The following MYO7A variants were observed in gnomAD, a reference collection of about 807,000 sequenced individuals.
MYO7A encodes myosin VIIA.
Under a neutral mutation model 263.8 loss-of-function variants are expected in MYO7A, and 210 were observed. The observed-to-expected ratio is 0.80, with a 90% CI of 0.71 to 0.89. The LOEUF (loss-of-function observed/expected upper bound fraction) is 0.89. MYO7A is among the 40% of genes least tolerant of loss of function. The pLI, the probability that MYO7A is intolerant of heterozygous loss-of-function variation, is 0.00. For missense variants in MYO7A, 2,820 were observed against 2,968.3 expected, an observed-to-expected ratio of 0.95 and a Z score of 1.16; for synonymous variants, 1,239 against 1,197.3, an observed-to-expected ratio of 1.03 and a Z score of -0.72.
rs142562052 is a variant in MYO7A, at chr11:77,187,741, G to A, written c.3504-1603G>A. 3.4e-4 allele frequency among the ~76,000 whole-genome samples: 52 copies of A among 152,312 alleles called. No individual in the cohort carries two copies. In the East Asian group the frequency reaches 9.1e-3, roughly 27 times the overall value. ...TTTTCTGAGAACAGTCTCTGCATAGGACAGGTCTGTCGGGAGAGCTGATGC... is the reference window on the plus strand; with the variant it reads ...TTTTCTGAGAACAGTCTCTGCATAGAACAGGTCTGTCGGGAGAGCTGATGC... On this transcript the variant is annotated intron_variant, in intron 27 of 48. Coordinates refer to ENST00000409709, the MANE Select transcript of MYO7A (RefSeq NM_000260.4).
At chr11:77,139,908 A>C (rs1325582144) in intron 2 of MYO7A, among the ~76,000 whole-genome samples, 1 of 152,142 alleles carries the variant, frequency 6.6e-6, no homozygotes, top group Non-Finnish European at 1.5e-5. Context: ...GGGCCACAGG[A>C]ATATTCCCCT....
In MYO7A at chr11:77,156,788, C is replaced by T. The variant is rs782674478; in HGVS notation, c.592+7C>T. The T allele has an allele frequency of 3.0e-5, 49 of 1,613,984 alleles. No homozygotes were observed. The highest frequency in any genetic ancestry group is 4.1e-5 in the Non-Finnish European group (48 of 1,179,868). On this transcript the variant is annotated splice_region_variant and intron_variant, in intron 6 of 48. Transcript: ENST00000409709. ...GCCACCCCCATTCTGGAAGGTAGGA[C>T]CAGAGTTCCGAGGGTGGGACCAGGC...
intron 3 of MYO7A, among the ~76,000 whole-genome samples, chr11:77,144,805 C>T (rs1031465575): frequency 5.3e-5 from 8 of 152,152 alleles, no homozygotes; most frequent in African/African-American, 1.4e-4. Context: ...CACTGGAATC[C>T]CAGTGTCTTG....
intron 45 of MYO7A, 39 bp from the exon 46 acceptor site, chr11:77,211,782 C>T (rs1261350610): frequency 6.5e-7 from 1 of 1,539,954 alleles, no homozygotes; most frequent in South Asian, 1.1e-5. Flanking sequence ...AGGCCTGTCC[C>T]CAGGACTGAG....
intron 21 of MYO7A, 131 bp from the exon 22 acceptor site, chr11:77,180,243 G>T: frequency 2.2e-6 from 1 of 448,110 alleles, no homozygotes. Context: ...AGAATTTCTT[G>T]ATTACCTCAC....
At position 77,207,460 on chromosome 11, in the gene MYO7A, C is replaced by T. The variant is rs76159522; in HGVS notation, c.5856+58C>T. On this transcript the variant is annotated intron_variant, in intron 42 of 48. Coordinates refer to ENST00000409709, the MANE Select transcript of MYO7A (RefSeq NM_000260.4). ...GATTTGCTGGGGCCATAGGAACTTA[C>T]GGACAGCAGACGGAAGAGAGAGGAA... is the stretch of plus-strand genomic sequence containing the variant. The T allele has an allele frequency of 0.024, 29,319 of 1,224,874 alleles. 2,364 individuals carry two copies. The African/African-American group carries it at 0.25, about 11-fold the overall frequency. 75.9% of individuals were successfully genotyped at this position (1,224,874 alleles called of 1,614,324 possible).
intron 44 of MYO7A, 110 bp from the exon 45 acceptor site, chr11:77,211,042 A>G (rs1170882905): frequency 3.9e-6 from 4 of 1,013,708 alleles, no homozygotes; most frequent in Non-Finnish European, 5.7e-6. Flanking sequence ...GGGTGGGCCC[A>G]TGTGCGGGGT....
intron 34 of MYO7A, among the ~76,000 whole-genome samples, chr11:77,199,083 A>G (rs2135674576): frequency 6.6e-6 from 1 of 152,340 alleles, no homozygotes; most frequent in East Asian, 1.9e-4. Flanking sequence ...CTTTCCCAGC[A>G]GTGCAGTGGC....
rs1336095094 is a variant in MYO7A, at chr11:77,211,245, G to A, written c.6145G>A (p.Asp2049Asn). ...ALIYRVKFEEDKSYFPSIPKL... is the reference protein window; with the variant it reads ...ALIYRVKFEENKSYFPSIPKL... ...GATCTACAGGGTCAAGTTCGAGGAGGACAAGTCCTACTTCCCCAGCATCCC... is the reference window on the plus strand; with the variant it reads ...GATCTACAGGGTCAAGTTCGAGGAGAACAAGTCCTACTTCCCCAGCATCCC... Residue 2049 changes from aspartate to asparagine, a missense_variant, in exon 45 of 49, where the codon GAC becomes AAC. Physicochemically the swap from Asp to Asn is conservative, Grantham distance 23 (BLOSUM62 1). Coordinates refer to ENST00000409709, the MANE Select transcript of MYO7A (RefSeq NM_000260.4). 7 of 1,584,650 alleles carry A rather than the reference G, an allele frequency of 4.4e-6. No individual in the cohort carries two copies. Among genetic ancestry groups the A allele is most frequent in the South Asian group, 3.5e-5 (3 of 86,260 alleles).
At chr11:77,175,519 T>A in intron 18 of MYO7A, 55 bp downstream of exon 18, 1 of 1,530,148 alleles carries the variant, frequency 6.5e-7, no homozygotes, top group Non-Finnish European at 9.0e-7. Context: ...ATTCCCATGA[T>A]GTGGGCTGGG....
chr11:77,204,743 T>C (rs1957322628), intron 39 of MYO7A, among the ~76,000 whole-genome samples: 1 of 152,106 alleles, frequency 6.6e-6, no homozygotes, highest in South Asian at 2.1e-4. Context: ...AGCTCCACCC[T>C]CTCTCCTTAC....
chr11:77,129,141 C>G (rs572713784), intron 1 of MYO7A, among the ~76,000 whole-genome samples: 2 of 152,358 alleles, frequency 1.3e-5, no homozygotes, highest in South Asian at 2.1e-4. Context: ...CCCCATGTCT[C>G]TAGTGAAAGC....
intron 12 of MYO7A, 128 bp downstream of exon 12, chr11:77,161,243 C>A: frequency 1.7e-6 from 2 of 1,166,426 alleles, no homozygotes; most frequent in Non-Finnish European, 2.4e-6. Flanking sequence ...TCCGTCATCA[C>A]GGTGGACCCT....
chr11:77,157,025 T>C (rs782521439), intron 7 of MYO7A, 21 bp downstream of exon 7: 2 of 1,609,012 alleles, frequency 1.2e-6, no homozygotes, highest in East Asian at 4.5e-5. Context: ...GCCCCAGGGA[T>C]GCAGGAATAG....
chr11:77,195,203 C>A (rs1427349328), intron 32 of MYO7A, among the ~76,000 whole-genome samples: 1 of 152,176 alleles, frequency 6.6e-6, no homozygotes, highest in African/African-American at 2.4e-5. Context: ...CCTGTGCCAC[C>A]CTCCACCTGA....
intron 22 of MYO7A, 102 bp from the exon 23 acceptor site, chr11:77,181,278 G>A (rs1955158571): frequency 2.8e-6 from 3 of 1,068,510 alleles, no homozygotes; most frequent in Non-Finnish European, 4.0e-6. Context: ...GGTGGGGACT[G>A]AGGCCCTGGC....
intron 3 of MYO7A, among the ~76,000 whole-genome samples, chr11:77,143,836 G>A (rs570165916): frequency 2.6e-5 from 4 of 152,278 alleles, no homozygotes; most frequent in African/African-American, 9.6e-5. Context: ...GCTCTGCTGG[G>A]GACGACGGGA....
At chr11:77,155,761 C>T (rs557176183) in intron 4 of MYO7A, 146 bp from the exon 5 acceptor site, 84 of 845,490 alleles carry the variant, frequency 9.9e-5, no homozygotes, top group East Asian at 1.9e-4. Context: ...TAAGGAGGCC[C>T]GATTCTGGCT....
At position 77,190,155 on chromosome 11, in the gene MYO7A, T is replaced by TGCACGTGCTCGTGTGCATGTGTGC. The variant is rs1565433472; in HGVS notation, c.3750+24_3750+47dup. Reference sequence around the variant, plus strand: ...GGAGCTGCAGGTTCGTGCGTGTGTATGCACGTGCTCGTGTGCATGTGTGCG... The same window carrying TGCACGTGCTCGTGTGCATGTGTGC: ...GGAGCTGCAGGTTCGTGCGTGTGTATGCACGTGCTCGTGTGCATGTGTGCGCACGTGCTCGTGTGCATGTGTGCG... On this transcript the variant is annotated intron_variant, in intron 29 of 48. Transcript: ENST00000409709. 1 of 1,545,886 alleles carries TGCACGTGCTCGTGTGCATGTGTGC rather than the reference T, an allele frequency of 6.5e-7. No individual in the cohort carries two copies.
Sources: allele counts gnomAD v4.1 joint callset (sites outside exome capture counted in the v4.1 genomes callset), GRCh38; gene constraint gnomAD v4.1.1; transcripts MANE v1.5; gene names NCBI Gene and HGNC (gene_info 2026-07-23, HGNC 2026-07-21).